The following KIF3C variants were observed in gnomAD, a reference collection of about 807,000 sequenced individuals.
KIF3C encodes kinesin-like protein KIF3C.
KIF3C carries 12 observed loss-of-function variants against 67.7 expected under a neutral mutation model. The ratio of observed to expected loss-of-function variants is 0.18; its 90% confidence interval spans 0.11 to 0.29. KIF3C has a LOEUF of 0.29. KIF3C is among the 10% of genes least tolerant of loss of function. The pLI, the probability that KIF3C is intolerant of heterozygous loss-of-function variation, is 1.00. For synonymous variants in KIF3C, 393 were observed against 426.2 expected (o/e 0.92, Z 0.96); for missense variants, 789 against 1,059.6 (o/e 0.74, Z 3.55).
chr2:25,980,308 A>G lies in KIF3C; in HGVS notation c.1545+65T>C. 3 of 1,339,122 alleles carry G rather than the reference A, an allele frequency of 2.2e-6. No homozygotes were observed. In the South Asian group the frequency reaches 4.1e-5, roughly 18 times the overall value. The allele number at this position is 1,339,122 out of a possible 1,614,324, so 83.0% of individuals were successfully genotyped here. On this transcript the variant is annotated intron_variant, in intron 1 of 7. Coordinates refer to ENST00000264712, the MANE Select transcript of KIF3C (RefSeq NM_002254.8). The surrounding 1 kb of genome is among the most constrained non-coding windows in gnomAD (Gnocchi z 7.6). ...AGGCCAGGTCACAGACTCTCAAAGAAGAGCCTCCTTGCCGGGATCCCCTGC... is the reference window on the plus strand; with the variant it reads ...AGGCCAGGTCACAGACTCTCAAAGAGGAGCCTCCTTGCCGGGATCCCCTGC...
At chr2:25,959,920 TGGGTCACA>T (rs1250338366) in intron 1 of KIF3C, among the ~76,000 whole-genome samples, 1 of 152,200 alleles carries the variant, frequency 6.6e-6, no homozygotes, top group Non-Finnish European at 1.5e-5. Context: ...CCCTAACTAC[TGGGTCACA>T]GGTCTTCAGG....
rs966554821 is a variant in KIF3C at position 25,929,389 on chromosome 2, C to T, written c.2204G>A (p.Arg735His). 6.1e-5 allele frequency: 98 copies of T among 1,613,978 alleles called. No individual in the cohort carries two copies. The highest frequency in any genetic ancestry group is 3.3e-4 in the Middle Eastern group (2 of 6,082). The change falls in exon 7 of 8, where the codon CGT becomes CAT. Residue 735 changes from arginine (R) to histidine (H), a missense_variant. By Grantham distance (29) the Arg-to-His change is conservative. Transcript: ENST00000264712. ...CATGAGCCTCTCCATGTGTAGCGCA[C>T]GAGGGTCTTGTTCTTGGTCGTGAGA... The part of the protein sequence containing the change: ...EFSHDQEQDP[R>H]ALHMERLMRL...
At chr2:25,948,674 G>A (rs1380789324) in intron 5 of KIF3C, among the ~76,000 whole-genome samples, 3 of 142,680 alleles carry the variant, frequency 2.1e-5, no homozygotes, top group Admixed American at 7.4e-5. Context: ...GAGAAAGAGA[G>A]AGAGAAAGAA....
In KIF3C at chr2:25,980,849, G is replaced by A; in HGVS notation, c.1069C>T (p.Arg357Cys). ...HSYDESLSTLRFANRAKNIKN... is the reference protein window; with the variant it reads ...HSYDESLSTLCFANRAKNIKN... ...ATGTTCTTGGCTCGGTTGGCAAAGC[G>A]CAAGGTGGAGAGGCTCTCATCGTAG... The change falls in exon 1 of 8, where the codon CGC (arginine) becomes TGC (cysteine). Residue 357 changes from arginine (R) to cysteine (C), a missense_variant. By Grantham distance (180) the Arg-to-Cys change is radical. This residue lies in a region of KIF3C where 648 missense variants were observed against 807.8 expected (regional missense o/e 0.80). Transcript: ENST00000264712. The surrounding 1 kb of genome is among the most constrained non-coding windows in gnomAD (Gnocchi z 7.6). 1 of 1,614,148 alleles carries A rather than the reference G, an allele frequency of 6.2e-7. No individual in the cohort carries two copies. Among genetic ancestry groups the A allele is most frequent in the Non-Finnish European group, 8.5e-7 (1 of 1,180,016 alleles).
chr2:25,973,330 C>T (rs975499271), intron 1 of KIF3C, among the ~76,000 whole-genome samples: 8 of 151,910 alleles, frequency 5.3e-5, no homozygotes. Flanking sequence ...GAGGTGGGTG[C>T]ATCACCTGAG....
At chr2:25,953,672 G>GTTTTTT (rs70950142) in intron 4 of KIF3C, among the ~76,000 whole-genome samples, 2 of 99,602 alleles carry the variant, frequency 2.0e-5, no homozygotes, top group Non-Finnish European at 4.3e-5. Context: ...TTTTGTTTTT[G>GTTTTTT]TTTTTTTTTT....
intron 1 of KIF3C, among the ~76,000 whole-genome samples, chr2:25,960,348 G>C (rs539778565): frequency 3.9e-5 from 6 of 152,122 alleles, no homozygotes; most frequent in Non-Finnish European, 8.8e-5. Context: ...AAAAGGACTG[G>C]TGTAAGGGGC....
At chr2:25,942,481 C>T (rs1246541853) in intron 5 of KIF3C, among the ~76,000 whole-genome samples, 1 of 151,360 alleles carries the variant, frequency 6.6e-6, no homozygotes, top group African/African-American at 2.4e-5. Flanking sequence ...CACGATCTTG[C>T]CTCACTGCAA....
At chr2:25,940,783 G>C (rs943539872) in intron 5 of KIF3C, among the ~76,000 whole-genome samples, 14 of 149,284 alleles carry the variant, frequency 9.4e-5, no homozygotes, top group Non-Finnish European at 1.5e-4. Context: ...CCTCTGGGTA[G>C]CTGGGATTAT....
rs781516998 is a variant in KIF3C, at chr2:25,980,680, TTCTTCCTGCGGCTGC to T, written c.1223_1237del (p.Ser408_Lys412del). On this transcript the variant is annotated inframe_deletion, in exon 1 of 8. Coordinates refer to ENST00000264712, the MANE Select transcript of KIF3C (RefSeq NM_002254.8). The surrounding 1 kb of genome is among the most constrained non-coding windows in gnomAD (Gnocchi z 7.6). Reference sequence around the variant, plus strand: ...GTACCCAGGCGGGGCGGACACGGCCTTCTTCCTGCGGCTGCTCTTCCTCCGGGGCCGCTTCCCCAG... The same window carrying T: ...GTACCCAGGCGGGGCGGACACGGCCTTCTTCCTCCGGGGCCGCTTCCCCAG... 1 of 1,614,120 alleles carries T rather than the reference TTCTTCCTGCGGCTGC, an allele frequency of 6.2e-7. No homozygotes were observed. Among genetic ancestry groups the T allele is most frequent in the Non-Finnish European group, 8.5e-7 (1 of 1,180,014 alleles).
chr2:25,933,322 T>C (rs2090477786), intron 5 of KIF3C, among the ~76,000 whole-genome samples: 1 of 151,396 alleles, frequency 6.6e-6, no homozygotes, highest in Non-Finnish European at 1.5e-5. Flanking sequence ...AAATGGTTGA[T>C]AAGCACATGA....
chr2:25,942,594 G>C (rs1663320879), intron 5 of KIF3C, among the ~76,000 whole-genome samples: 1 of 151,908 alleles, frequency 6.6e-6, no homozygotes, highest in Admixed American at 6.6e-5. Context: ...ATTTTTAGTA[G>C]AGACGGGGTT....
At chr2:25,978,736 C>G (rs779214814) in intron 1 of KIF3C, among the ~76,000 whole-genome samples, 1 of 152,102 alleles carries the variant, frequency 6.6e-6, no homozygotes, top group Non-Finnish European at 1.5e-5. Context: ...GCCTTTGTTG[C>G]CTTCCAGCTT....
rs75921267 is a variant in KIF3C at position 25,968,072 on chromosome 2, C to T, written c.1546-11628G>A. Among the ~76,000 whole-genome samples the T allele has an allele frequency of 6.3e-3, 963 of 152,272 alleles. 9 individuals are homozygous for T. Among genetic ancestry groups the T allele is most frequent in the African/African-American group, 0.022 (922 of 41,550 alleles). On this transcript the variant is annotated intron_variant, in intron 1 of 7. Transcript: ENST00000264712. The stretch of plus-strand genomic sequence containing the variant: ...CCCTTCCCTCACAGACCTATTTCTC[C>T]TTTTCCAGCGCCCTGATTGTACATC...
At chr2:25,933,141 C>T (rs1049876752) in intron 5 of KIF3C, among the ~76,000 whole-genome samples, 2 of 151,500 alleles carry the variant, frequency 1.3e-5, no homozygotes, top group East Asian at 3.9e-4. Context: ...ATTCCAGCTA[C>T]TTGGGAGGCT....
At chr2:25,973,751 C>T (rs1420777793) in intron 1 of KIF3C, among the ~76,000 whole-genome samples, 2 of 152,140 alleles carry the variant, frequency 1.3e-5, no homozygotes, top group South Asian at 4.1e-4. Flanking sequence ...TTACCAGCAA[C>T]AATCCAGGAC....
intron 1 of KIF3C, among the ~76,000 whole-genome samples, chr2:25,956,750 G>A (rs1663815614): frequency 6.6e-6 from 1 of 152,190 alleles, no homozygotes; most frequent in South Asian, 2.1e-4. Context: ...GCTAGGAGGA[G>A]GATGGGGGTG....
intron 5 of KIF3C, among the ~76,000 whole-genome samples, chr2:25,950,922 AAAGG>A (rs1475459378): frequency 6.6e-6 from 1 of 152,052 alleles, no homozygotes; most frequent in African/African-American, 2.4e-5. Flanking sequence ...GAAGAAAAGA[AAAGG>A]AAGAAAGGAA....
In KIF3C at chr2:25,982,064, T is replaced by G; in HGVS notation, c.-147A>C. On this transcript the variant is annotated 5_prime_UTR_variant, in exon 1 of 8. Coordinates refer to ENST00000264712, the MANE Select transcript of KIF3C (RefSeq NM_002254.8). ...ATGCAGCCTCCTAGGGTGGGGACGCTGGGAGGTGGCCCCAACGCTGCTGCA... is the reference window on the plus strand; with the variant it reads ...ATGCAGCCTCCTAGGGTGGGGACGCGGGGAGGTGGCCCCAACGCTGCTGCA... 1.6e-6 allele frequency: 1 copy of G among 620,094 alleles called. No homozygotes were observed. The highest frequency in any genetic ancestry group is 2.7e-6 in the Non-Finnish European group (1 of 368,948). 38.4% of individuals were successfully genotyped at this position (620,094 alleles called of 1,614,324 possible). A position where few individuals can be genotyped will look rare whatever the true frequency, so the allele number is the denominator to read the frequency against.
Sources: gnomAD v4.1 joint callset for allele counts (sites outside exome capture counted in the v4.1 genomes callset) on GRCh38, gnomAD v4.1.1 for gene constraint, gnomAD v4.1.1 regional missense constraint, Gnocchi (gnomAD v3.1) non-coding constraint, MANE v1.5 for transcripts, NCBI Gene and HGNC (gene_info 2026-07-23, HGNC 2026-07-21) for gene names.